Variants in KTN1 observed in about 807,000 individuals in gnomAD.
KTN1 encodes the protein kinectin.
In KTN1, 130 loss-of-function variants were observed where a neutral mutation model predicts 222.5. The ratio of observed to expected loss-of-function variants is 0.58; its 90% CI spans 0.51 to 0.68. The LOEUF is 0.68. Among genes scored for constraint, KTN1 ranks in the 30% least tolerant of loss-of-function variants. The probability of loss-of-function intolerance (pLI) is 0.00; values close to 1 mark genes in which losing one functional copy is unlikely to be tolerated. For missense variants in KTN1, 1,508 were observed against 1,500.4 expected (o/e 1.01, Z -0.08); for synonymous variants, 512 against 496.3 (o/e 1.03, Z -0.42).
At position 55,618,107 on chromosome 14, in the gene KTN1, A is replaced by T; in HGVS notation, c.805A>T (p.Lys269Ter). 1 of 1,611,766 alleles carries T rather than the reference A, an allele frequency of 6.2e-7. No individual in the cohort carries two copies. ...QVEGIQKSGT[K>*]KLKTETDKEN... ...AGAAGGGATCCAGAAATCTGGGACT[A>T]AAAAACTGAAGACCGAAACTGACAA... Residue 269 changes from lysine to a stop codon, truncating the protein, a stop_gained, in exon 4 of 44, where the codon AAA becomes TAA. Transcript: ENST00000395314. LOFTEE classifies it high-confidence loss of function.
At chr14:55,644,427 A>G in intron 18 of KTN1, 1 of 702,578 alleles carries the variant, frequency 1.4e-6, no homozygotes, top group Non-Finnish European at 2.6e-6. Flanking sequence ...AGGAAGCAGA[A>G]AGACAACAGG....
At chr14:55,652,759 A>C in intron 25 of KTN1, 91 bp from the exon 26 acceptor site, 1 of 794,990 alleles carries the variant, frequency 1.3e-6, no homozygotes, top group Non-Finnish European at 2.0e-6. Context: ...TGTGAGTACT[A>C]CCCAAAATAT....
chr14:55,639,156 TTTATG>T, intron 12 of KTN1, 24 bp from the exon 13 acceptor site: 2 of 1,514,550 alleles, frequency 1.3e-6, no homozygotes, highest in Non-Finnish European at 1.8e-6. Flanking sequence ...CTTAAATACT[TTTATG>T]TTGACACTAT....
chr14:55,600,681 G>A (rs1473470706), intron 1 of KTN1, among the ~76,000 whole-genome samples: 1 of 152,146 alleles, frequency 6.6e-6, no homozygotes, highest in Non-Finnish European at 1.5e-5. Flanking sequence ...GGGGAGGAAA[G>A]CTTCTGTACA....
At chr14:55,615,123 A>G (rs1431538765) in intron 2 of KTN1, among the ~76,000 whole-genome samples, 2 of 152,224 alleles carry the variant, frequency 1.3e-5, no homozygotes, top group Non-Finnish European at 2.9e-5. Flanking sequence ...GAATATTTCA[A>G]GTGTAAGAAG....
chr14:55,641,325 A>G (rs886606647), intron 17 of KTN1, 117 bp downstream of exon 17: 8 of 634,004 alleles, frequency 1.3e-5, no homozygotes, highest in African/African-American at 9.3e-5. Flanking sequence ...GTGTTTCTGT[A>G]GTTTATTAGG....
Position 55,612,438 on chromosome 14 carries a change from C to T in KTN1, c.390C>T (p.Ile130=). The T allele has an allele frequency of 6.2e-7, 1 of 1,614,098 alleles. No individual in the cohort carries two copies. Among genetic ancestry groups the T allele is most frequent in the Non-Finnish European group, 8.5e-7 (1 of 1,179,994 alleles). ...AGCCTGTGCTTGAAGAGCAGGTCAT[C>T]AAAGAAAGTGACGCATCAAAGATTC... ...KQKPVLEEQV[I]KESDASKIPG... Residue 130 remains isoleucine, a synonymous_variant, in exon 2 of 44, where the codon ATC becomes ATT. Transcript: ENST00000395314.
intron 19 of KTN1, among the ~76,000 whole-genome samples, chr14:55,647,519 GC>G (rs1214521205): frequency 6.7e-6 from 1 of 150,362 alleles, no homozygotes; most frequent in East Asian, 2.0e-4. Context: ...TGTAATCCCA[GC>G]TACTTGGGAG....
intron 1 of KTN1, among the ~76,000 whole-genome samples, chr14:55,581,670 T>G (rs1421970284): frequency 6.6e-6 from 1 of 152,156 alleles, no homozygotes; most frequent in African/African-American, 2.4e-5. Flanking sequence ...TTTTGCTAAA[T>G]TAGGTTGCAT....
intron 34 of KTN1, 67 bp downstream of exon 34, chr14:55,667,397 C>G: frequency 1.2e-6 from 1 of 848,418 alleles, no homozygotes. Context: ...TAAGCAACAT[C>G]ATTTGCACTC....
intron 29 of KTN1, among the ~76,000 whole-genome samples, chr14:55,658,089 G>A (rs915873351): frequency 3.9e-5 from 6 of 152,040 alleles, no homozygotes; most frequent in Admixed American, 6.6e-5. Flanking sequence ...TAGTAATTCC[G>A]TTCCCCAGGG....
intron 1 of KTN1, among the ~76,000 whole-genome samples, chr14:55,580,681 C>T (rs535146326): frequency 1.5e-4 from 23 of 152,194 alleles, no homozygotes; most frequent in Admixed American, 2.6e-4. Flanking sequence ...ACGACTCTCC[C>T]GAAGGCGAGG....
intron 28 of KTN1, 127 bp downstream of exon 28, chr14:55,653,723 C>T: frequency 1.5e-6 from 1 of 648,938 alleles, no homozygotes; most frequent in South Asian, 2.4e-5. Context: ...AATTATAATT[C>T]CAGACGCAAA....
chr14:55,581,478 C>T (rs1299344051), intron 1 of KTN1, among the ~76,000 whole-genome samples: 2 of 150,966 alleles, frequency 1.3e-5, no homozygotes, highest in Non-Finnish European at 3.0e-5. Context: ...TGTGTGATGA[C>T]TTTGTGGAAA....
intron 13 of KTN1, 72 bp downstream of exon 13, chr14:55,639,294 ATGATTAACTTTATACCTC>A: frequency 1.9e-6 from 2 of 1,066,254 alleles, no homozygotes; most frequent in Non-Finnish European, 2.9e-6. Flanking sequence ...TGCGACACTT[ATGATTAACTTTATACCTC>A]TGACGACCTG....
intron 13 of KTN1, 31 bp downstream of exon 13, chr14:55,639,253 G>C: frequency 6.6e-7 from 1 of 1,511,242 alleles, no homozygotes; most frequent in Non-Finnish European, 9.2e-7. Context: ...TCTTATAATT[G>C]TGTAGTCACC....
intron 1 of KTN1, among the ~76,000 whole-genome samples, chr14:55,582,070 T>G (rs1040887696): frequency 6.6e-6 from 1 of 152,206 alleles, no homozygotes; most frequent in African/African-American, 2.4e-5. Flanking sequence ...TAAGGTGTTC[T>G]ACTTGATTTA....
chr14:55,665,063 A>C (rs548937544), intron 33 of KTN1, among the ~76,000 whole-genome samples: 1 of 151,724 alleles, frequency 6.6e-6, no homozygotes, highest in East Asian at 1.9e-4. Context: ...GTATTTAACT[A>C]TATCCCTATT....
intron 11 of KTN1, 83 bp downstream of exon 11, chr14:55,637,447 C>T (rs2041268915): frequency 2.2e-6 from 2 of 911,752 alleles, no homozygotes; most frequent in African/African-American, 1.7e-5. Context: ...AGACTAAAGT[C>T]TACCTTATCC....
Sources: allele counts gnomAD v4.1 joint callset (sites outside exome capture counted in the v4.1 genomes callset), GRCh38; gene constraint gnomAD v4.1.1; transcripts MANE v1.5; gene names NCBI Gene and HGNC (gene_info 2026-07-23, HGNC 2026-07-21).